The following PRKAR1B variants were observed in gnomAD, a reference collection of about 807,000 sequenced individuals.
The protein encoded by PRKAR1B is protein kinase cAMP-dependent type I regulatory subunit beta, also known as cAMP-dependent protein kinase type I-beta regulatory subunit.
A neutral mutation model predicts 46.5 loss-of-function variants in PRKAR1B; 22 were observed. That is an observed-to-expected ratio of 0.47 (90% CI 0.34 to 0.68). The LOEUF (loss-of-function observed/expected upper bound fraction) is 0.68, where lower values mean the gene tolerates loss of function less well. Ranked by LOEUF, PRKAR1B falls within the 30% of genes least tolerant of loss-of-function variation. PRKAR1B has a pLI of 0.01. For synonymous variants in PRKAR1B, 259 were observed against 217.7 expected (o/e 1.19, Z -1.67); for missense variants, 445 against 535.6 (o/e 0.83, Z 1.67).
intron 1 of PRKAR1B, among the ~76,000 whole-genome samples, chr7:715,959 C>A (rs1288783649): frequency 6.6e-6 from 1 of 152,188 alleles, no homozygotes; most frequent in Non-Finnish European, 1.5e-5. Context: ...TCGTGATCCG[C>A]CCGCCTTGGC....
chr7:575,202 C>T (rs183408392), intron 9 of PRKAR1B, among the ~76,000 whole-genome samples: 48 of 152,304 alleles, frequency 3.2e-4, no homozygotes, highest in Admixed American at 2.9e-3. Context: ...ATCGGAAGAC[C>T]CAGCTGGCGG....
At chr7:688,155 C>CT (rs1779201365) in intron 2 of PRKAR1B, among the ~76,000 whole-genome samples, 1 of 148,246 alleles carries the variant, frequency 6.7e-6, no homozygotes, top group Non-Finnish European at 1.5e-5. Context: ...AACCCCAGCA[C>CT]TTTGGGAGGC....
intron 4 of PRKAR1B, among the ~76,000 whole-genome samples, chr7:648,094 T>C (rs1784716623): frequency 6.7e-6 from 1 of 149,540 alleles, no homozygotes; most frequent in African/African-American, 2.5e-5. Context: ...TGCAGTGAGC[T>C]ATGATCACAC....
chr7:589,864 G>A (rs1187794386), intron 7 of PRKAR1B, among the ~76,000 whole-genome samples: 2 of 152,238 alleles, frequency 1.3e-5, no homozygotes, highest in African/African-American at 4.8e-5. Context: ...ACGTGCCCAG[G>A]CTGCCCGGGA....
At chr7:704,621 CA>C (rs1476469718) in intron 2 of PRKAR1B, among the ~76,000 whole-genome samples, 1 of 151,888 alleles carries the variant, frequency 6.6e-6, no homozygotes, top group African/African-American at 2.4e-5. Context: ...ACCAAAAATA[CA>C]AAAATGAGCC....
At chr7:711,590 C>T in intron 1 of PRKAR1B, 63 bp from the exon 2 acceptor site, 1 of 1,437,110 alleles carries the variant, frequency 7.0e-7, no homozygotes, top group Middle Eastern at 2.5e-4. Context: ...GCCGGATAAA[C>T]GCAGGCGGCG....
rs927988865 is a variant in PRKAR1B, at chr7:691,617, C to T, written c.178-10891G>A. On this transcript the variant is annotated intron_variant, in intron 2 of 10. Transcript: ENST00000537384. ...GCCCAAAGTGAGGTGGACGCCCTGC[C>T]GTGTGCTGAATGGCATGTGGCCTCC... is the stretch of plus-strand genomic sequence containing the variant. The T allele has an allele frequency of 3.1e-5, 41 of 1,303,556 alleles. No individual in the cohort carries two copies. The Admixed American group carries it at 5.3e-4, about 17-fold the overall frequency. 80.7% of individuals were successfully genotyped at this position (1,303,556 alleles called of 1,614,324 possible).
chr7:573,589 G>C (rs1357619270), intron 9 of PRKAR1B, among the ~76,000 whole-genome samples: 4 of 152,206 alleles, frequency 2.6e-5, no homozygotes, highest in African/African-American at 9.7e-5. Flanking sequence ...CACTGCCGGA[G>C]AGCCGGGTGA....
chr7:614,936 G>T (rs1294639274), intron 4 of PRKAR1B, among the ~76,000 whole-genome samples: 1 of 152,060 alleles, frequency 6.6e-6, no homozygotes, highest in African/African-American at 2.4e-5. Flanking sequence ...ATTCAGCTGG[G>T]CATGGTAGCA....
At chr7:577,021 C>T (rs1304618016) in intron 9 of PRKAR1B, among the ~76,000 whole-genome samples, 10 of 135,178 alleles carry the variant, frequency 7.4e-5, no homozygotes, top group Middle Eastern at 4.0e-3. Context: ...AGTCGCCTCA[C>T]CCAACGCCAT....
chr7:684,141 CCT>C (rs1220021691), intron 2 of PRKAR1B, among the ~76,000 whole-genome samples: 3 of 151,128 alleles, frequency 2.0e-5, no homozygotes, highest in South Asian at 2.1e-4. Context: ...CTGATGCCCA[CCT>C]CTGTGTACAC....
At chr7:697,481 C>T (rs530050750) in intron 2 of PRKAR1B, among the ~76,000 whole-genome samples, 1 of 152,160 alleles carries the variant, frequency 6.6e-6, no homozygotes, top group South Asian at 2.1e-4. Context: ...TAGGCTTCCA[C>T]GGGGTCATCC....
intron 4 of PRKAR1B, among the ~76,000 whole-genome samples, chr7:670,449 C>G (rs961495526): frequency 6.6e-6 from 1 of 152,250 alleles, no homozygotes; most frequent in Non-Finnish European, 1.5e-5. Context: ...AGCCCAAGAG[C>G]TAGGCGGCCT....
chr7:571,978 A>G (rs1242278336), intron 9 of PRKAR1B, among the ~76,000 whole-genome samples: 3 of 152,240 alleles, frequency 2.0e-5, no homozygotes, highest in Non-Finnish European at 4.4e-5. Flanking sequence ...GGCAGGGCAC[A>G]GAGATGACAC....
At chr7:577,879 G>A (rs999500798) in intron 9 of PRKAR1B, among the ~76,000 whole-genome samples, 8 of 152,192 alleles carry the variant, frequency 5.3e-5, no homozygotes, top group East Asian at 3.9e-4. Flanking sequence ...AGCCGCTCCC[G>A]CTAGGCAGTG....
At chr7:701,249 GAAAGAAAGAAAGAAGGAAA>G (rs1780045592) in intron 2 of PRKAR1B, among the ~76,000 whole-genome samples, 1 of 141,170 alleles carries the variant, frequency 7.1e-6, no homozygotes, top group African/African-American at 2.7e-5. Context: ...AGGAAGGAAG[GAAAGAAAGAAAGAAGGAAA>G]AAAGAAAGAA....
intron 1 of PRKAR1B, chr7:726,885 C>T: frequency 7.5e-7 from 1 of 1,328,866 alleles, no homozygotes; most frequent in Non-Finnish European, 9.6e-7. Context: ...CCCTGCGGCG[C>T]GCGCTGGAGG....
At chr7:686,774 C>A (rs1779118393) in intron 2 of PRKAR1B, among the ~76,000 whole-genome samples, 1 of 151,996 alleles carries the variant, frequency 6.6e-6, no homozygotes, top group Non-Finnish European at 1.5e-5. Context: ...AAGACAGAAA[C>A]CCAGAGAGAT....
chr7:559,095 C>G (rs1778627793), intron 9 of PRKAR1B, among the ~76,000 whole-genome samples: 1 of 152,252 alleles, frequency 6.6e-6, no homozygotes, highest in Non-Finnish European at 1.5e-5. Context: ...AGTCACTCGT[C>G]TACTGCATTA....
Sources: gnomAD v4.1 joint callset for allele counts (sites outside exome capture counted in the v4.1 genomes callset) on GRCh38, gnomAD v4.1.1 for gene constraint, MANE v1.5 for transcripts, NCBI Gene and HGNC (gene_info 2026-07-23, HGNC 2026-07-21) for gene names.